The following RBFOX1 variants were observed in gnomAD, a reference collection of about 807,000 sequenced individuals.
RBFOX1 encodes the protein RNA binding protein fox-1 homolog 1.
In RBFOX1, 8 loss-of-function variants were observed where a neutral mutation model predicts 57.7. That is an observed-to-expected ratio of 0.14 (90% CI 0.08 to 0.25). The LOEUF is 0.25. RBFOX1 is among the 10% of genes least tolerant of loss of function. RBFOX1 has a pLI of 1.00. For missense variants in RBFOX1, 611 were observed against 548.5 expected, an observed-to-expected ratio of 1.11 and a Z score of -1.14; for synonymous variants, 326 against 222.4, an observed-to-expected ratio of 1.47 and a Z score of -4.15.
intron 1 of RBFOX1, among the ~76,000 whole-genome samples, chr16:5,382,428 T>A (rs568903): frequency 6.6e-6 from 1 of 151,590 alleles, no homozygotes; most frequent in South Asian, 2.1e-4. Context: ...CCAACACTAT[T>A]TTTAAGTATG....
intron 2 of RBFOX1, among the ~76,000 whole-genome samples, chr16:5,477,986 C>T (rs1256177417): frequency 1.3e-5 from 2 of 152,138 alleles, no homozygotes; most frequent in Non-Finnish European, 2.9e-5. Flanking sequence ...CCTCACTCCC[C>T]ACTTCTAGGT....
chr16:6,313,122 G>A (rs958088671), intron 1 of RBFOX1, among the ~76,000 whole-genome samples: 29 of 152,244 alleles, frequency 1.9e-4, no homozygotes, highest in African/African-American at 7.0e-4. Flanking sequence ...CCTGTGGCAG[G>A]TGAGGAGTAA....
chr16:6,846,440 C>A (rs560579112), intron 3 of RBFOX1, among the ~76,000 whole-genome samples: 8 of 152,254 alleles, frequency 5.3e-5, no homozygotes, highest in Admixed American at 5.2e-4. Flanking sequence ...AGAGACTGCA[C>A]TGTGTTCTAT....
At chr16:6,488,728 C>G (rs934193051) in intron 2 of RBFOX1, among the ~76,000 whole-genome samples, 1 of 152,070 alleles carries the variant, frequency 6.6e-6, no homozygotes, top group Non-Finnish European at 1.5e-5. Flanking sequence ...GATCAATTTC[C>G]TCCCCTAACC....
chr16:6,075,623 A>G (rs757436989), intron 1 of RBFOX1, among the ~76,000 whole-genome samples: 4 of 152,206 alleles, frequency 2.6e-5, no homozygotes, highest in Non-Finnish European at 4.4e-5. Context: ...ACACACATTT[A>G]ATCAGGGCAT....
intron 1 of RBFOX1, among the ~76,000 whole-genome samples, chr16:6,028,875 C>T (rs547389605): frequency 5.9e-5 from 9 of 152,252 alleles, no homozygotes; most frequent in Non-Finnish European, 7.4e-5. Context: ...CGCCAAGGTG[C>T]GAAAGGACAA....
intron 1 of RBFOX1, among the ~76,000 whole-genome samples, chr16:6,076,814 A>T (rs1312521293): frequency 1.3e-5 from 2 of 152,202 alleles, no homozygotes; most frequent in African/African-American, 4.8e-5. Context: ...TGGTAAAGGT[A>T]CAAAAAGCAA....
At chr16:5,559,249 C>G (rs534589022) in intron 2 of RBFOX1, among the ~76,000 whole-genome samples, 1 of 150,958 alleles carries the variant, frequency 6.6e-6, no homozygotes, top group African/African-American at 2.4e-5. Flanking sequence ...AATGGCGTAC[C>G]CCTGTTCTGG....
Position 6,858,886 on chromosome 16 carries a change from A to G in RBFOX1, c.-15-193171A>G, listed in dbSNP as rs147402350. Among the ~76,000 whole-genome samples, 351 of 151,996 alleles carry G rather than the reference A, an allele frequency of 2.3e-3. 1 individual carries two copies. Among genetic ancestry groups the G allele is most frequent in the African/African-American group, 8.0e-3 (331 of 41,480 alleles). On this transcript the variant is annotated intron_variant, in intron 3 of 15. Transcript: ENST00000550418. ...TCGTAGCTATTTCTGAAGCTCAGCT[A>G]TAACTACAGTATCATGTGGTCAGTA... is the stretch of plus-strand genomic sequence containing the variant.
chr16:6,479,139 A>G (rs996147653), intron 2 of RBFOX1, among the ~76,000 whole-genome samples: 3 of 152,194 alleles, frequency 2.0e-5, no homozygotes, highest in Non-Finnish European at 4.4e-5. Context: ...AAAGTTTCAT[A>G]CTGTATTAGT....
intron 3 of RBFOX1, among the ~76,000 whole-genome samples, chr16:6,846,325 A>C (rs181462876): frequency 6.6e-6 from 1 of 152,194 alleles, no homozygotes; most frequent in Non-Finnish European, 1.5e-5. Context: ...GACTCACTCA[A>C]CATGGACACA....
intron 1 of RBFOX1, among the ~76,000 whole-genome samples, chr16:6,222,191 A>C (rs2097378655): frequency 6.6e-6 from 1 of 152,220 alleles, no homozygotes; most frequent in African/African-American, 2.4e-5. Context: ...TATTTCTTTT[A>C]TAAAATACAA....
chr16:5,534,703 C>T (rs569745695), intron 2 of RBFOX1, among the ~76,000 whole-genome samples: 1 of 152,318 alleles, frequency 6.6e-6, no homozygotes, highest in African/African-American at 2.4e-5. Context: ...AGTCCACTGA[C>T]TCACGTGTTA....
At chr16:7,449,209 G>A (rs1413560261) in intron 4 of RBFOX1, among the ~76,000 whole-genome samples, 3 of 151,904 alleles carry the variant, frequency 2.0e-5, no homozygotes, top group East Asian at 1.9e-4. Flanking sequence ...GATTACAGGC[G>A]TGAGCCACCA....
At chr16:6,941,071 G>T (rs951462587) in intron 3 of RBFOX1, among the ~76,000 whole-genome samples, 2 of 152,052 alleles carry the variant, frequency 1.3e-5, no homozygotes, top group African/African-American at 4.8e-5. Context: ...TGTGGAGGGA[G>T]AAATGGAGGT....
At chr16:7,066,513 G>A (rs1350506657) in intron 4 of RBFOX1, among the ~76,000 whole-genome samples, 1 of 152,144 alleles carries the variant, frequency 6.6e-6, no homozygotes, top group Admixed American at 6.5e-5. Flanking sequence ...AATTTAAATA[G>A]CTACCAAATG....
chr16:6,783,310 C>T (rs550638606), intron 3 of RBFOX1, among the ~76,000 whole-genome samples: 3 of 150,266 alleles, frequency 2.0e-5, no homozygotes, highest in Middle Eastern at 3.4e-3. Flanking sequence ...TGTTAGTTCT[C>T]TCTTCCTTTT....
At chr16:5,659,852 G>T (rs750490259) in intron 3 of RBFOX1, among the ~76,000 whole-genome samples, 1 of 152,112 alleles carries the variant, frequency 6.6e-6, no homozygotes, top group African/African-American at 2.4e-5. Flanking sequence ...AGTTGTTGCA[G>T]GTATCCCCAA....
intron 1 of RBFOX1, among the ~76,000 whole-genome samples, chr16:6,209,627 A>G (rs1456355863): frequency 6.6e-6 from 1 of 152,232 alleles, no homozygotes; most frequent in African/African-American, 2.4e-5. Flanking sequence ...TCCTGCCCTA[A>G]AACTCAACTT....
Sources: gnomAD v4.1 joint callset for allele counts (sites outside exome capture counted in the v4.1 genomes callset) on GRCh38, gnomAD v4.1.1 for gene constraint, MANE v1.5 for transcripts, NCBI Gene and HGNC (gene_info 2026-07-23, HGNC 2026-07-21) for gene names.